RTN4: variants seen among roughly 807,000 people sequenced by gnomAD.
The protein encoded by RTN4 is reticulon 4.
Under a neutral mutation model 90.4 loss-of-function variants are expected in RTN4, and 32 were observed. The observed-to-expected ratio is 0.35, with a 90% CI of 0.27 to 0.48. The LOEUF is 0.48. Among genes scored for constraint, RTN4 ranks in the 20% least tolerant of loss-of-function variants. The probability of loss-of-function intolerance (pLI) is 0.99; values close to 1 mark genes in which losing one functional copy is unlikely to be tolerated. For missense variants in RTN4, 1,706 were observed against 1,430.2 expected (o/e 1.19, Z -3.11); for synonymous variants, 629 against 552.5 (o/e 1.14, Z -1.94).
chr2:55,066,169 T>TTGTGTG (rs71410416), intron 2 of RTN4, among the ~76,000 whole-genome samples: 13,402 of 141,766 alleles, frequency 0.095, 650 homozygotes, highest in Middle Eastern at 0.14. Context: ...ATGAACCCAT[T>TTGTGTG]TGTGTGTGTG....
At chr2:54,993,267 A>C (rs1679168818) in intron 3 of RTN4, among the ~76,000 whole-genome samples, 1 of 152,148 alleles carries the variant, frequency 6.6e-6, no homozygotes, top group African/African-American at 2.4e-5. Context: ...TAATCAGAAA[A>C]AAATTCACCC....
chr2:55,008,069 T>C (rs1177455817), intron 3 of RTN4, among the ~76,000 whole-genome samples: 10 of 151,782 alleles, frequency 6.6e-5, no homozygotes, highest in Non-Finnish European at 1.5e-4. Context: ...GAAGAATATA[T>C]AAAAGAATGC....
intron 5 of RTN4, 53 bp from the exon 6 acceptor site, chr2:54,974,817 T>C: frequency 6.7e-7 from 1 of 1,490,862 alleles, no homozygotes. Flanking sequence ...TAAAGTTTCT[T>C]AATTATGCTT....
intron 1 of RTN4, among the ~76,000 whole-genome samples, chr2:55,111,625 A>G (rs899343693): frequency 2.0e-5 from 3 of 152,114 alleles, no homozygotes; most frequent in African/African-American, 7.2e-5. Context: ...ACCTCTCCTA[A>G]GGACCCACTC....
chr2:54,987,518 T>C lies in RTN4; in HGVS notation c.3194A>G (p.Gln1065Arg), dbSNP rs756243639. Residue 1065 changes from glutamine to arginine, a missense_variant, in exon 4 of 9, where the codon CAG (glutamine) becomes CGG (arginine). By Grantham distance (43) the Gln-to-Arg change is conservative. Transcript: ENST00000337526. ...RIYKGVIQAI[Q>R]KSDEGHPFRA... ...GAATGGGTGGCCTTCATCTGATTTC[T>C]GGATAGCTTGGATCACACCCTTGTA... 1 of 1,614,162 alleles carries C rather than the reference T, an allele frequency of 6.2e-7. No homozygotes were observed. Among genetic ancestry groups the C allele is most frequent in the Non-Finnish European group, 8.5e-7 (1 of 1,179,970 alleles).
In RTN4 at chr2:54,973,074, T is replaced by C. The variant is rs201650264; in HGVS notation, c.*82A>G. ...TGAAACTGCACTGCAACGTCAAGGT[T>C]CGTTCTTCCCTGACCCTCCCCCGTA... is the stretch of plus-strand genomic sequence containing the variant. On this transcript the variant is annotated 3_prime_UTR_variant, in exon 9 of 9. Coordinates refer to ENST00000337526, the MANE Select transcript of RTN4 (RefSeq NM_020532.5). The C allele has an allele frequency of 1.9e-5, 22 of 1,147,724 alleles. No individual in the cohort carries two copies. The highest frequency in any genetic ancestry group is 3.9e-4 in the Middle Eastern group (2 of 5,142). 71.1% of individuals were successfully genotyped at this position (1,147,724 alleles called of 1,614,324 possible). A position where few individuals can be genotyped will look rare whatever the true frequency, so the allele number is the denominator to read the frequency against.
intron 3 of RTN4, among the ~76,000 whole-genome samples, chr2:55,006,675 G>A (rs1680249207): frequency 6.6e-6 from 1 of 152,094 alleles, no homozygotes; most frequent in African/African-American, 2.4e-5. Context: ...AATCCAAAGA[G>A]TACTGTAACA....
chr2:55,030,821 G>A (rs889477071), intron 1 of RTN4, among the ~76,000 whole-genome samples: 1 of 152,166 alleles, frequency 6.6e-6, no homozygotes, highest in African/African-American at 2.4e-5. Flanking sequence ...CCTTCTTACT[G>A]TATCAGCCCC....
Position 55,102,530 on chromosome 2 carries a change from A to AC in RTN4, c.-214+9989_-214+9990insG, listed in dbSNP as rs577165095. On this transcript the variant is annotated intron_variant, in intron 1 of 3. Coordinates refer to the RTN4 transcript ENST00000427710. ...ATTTTCACATGTCATTTTTCTTTTGATTTTTTTTTAATCATTTAAGATGTG... is the reference window on the plus strand; with the variant it reads ...ATTTTCACATGTCATTTTTCTTTTGACTTTTTTTTTAATCATTTAAGATGTG... Among the ~76,000 whole-genome samples the AC allele has an allele frequency of 1.0e-3, 152 of 151,640 alleles. 1 individual carries two copies. The highest frequency in any genetic ancestry group is 6.6e-3 in the Admixed American group (100 of 15,186).
intron 3 of RTN4, among the ~76,000 whole-genome samples, chr2:54,994,300 C>T (rs1206572238): frequency 1.3e-5 from 2 of 152,122 alleles, no homozygotes; most frequent in African/African-American, 4.8e-5. Flanking sequence ...AGATAAATAT[C>T]CCTTATGAAT....
At position 55,025,153 on chromosome 2, in the gene RTN4, A is replaced by T; in HGVS notation, c.2946T>A (p.Pro982=). Residue 982 remains proline (P), a synonymous_variant, in exon 3 of 9, where the codon CCT becomes CCA. Transcript: ENST00000337526. ...VLVKEAEKKL[P]SDTEKEDRSP... ...ATCTGTCCTCTTTTTCTGTATCGGA[A>T]GGAAGTTTTTTCTCAGCTTCTTTCA... 2 of 1,613,714 alleles carry T rather than the reference A, an allele frequency of 1.2e-6. No homozygotes were observed. Among genetic ancestry groups the T allele is most frequent in the South Asian group, 1.1e-5 (1 of 91,056 alleles).
At chr2:55,080,232 G>A (rs759245071) in intron 2 of RTN4, among the ~76,000 whole-genome samples, 2 of 151,852 alleles carry the variant, frequency 1.3e-5, no homozygotes, top group Non-Finnish European at 2.9e-5. Flanking sequence ...CACCCACGCT[G>A]GTCTTGAACT....
At chr2:55,086,210 A>AG (rs1375125369) in intron 1 of RTN4, among the ~76,000 whole-genome samples, 1 of 152,180 alleles carries the variant, frequency 6.6e-6, no homozygotes, top group East Asian at 1.9e-4. Context: ...AAGTTGTAAA[A>AG]CAACTTTAGG....
chr2:55,095,940 A>T (rs959266392), intron 1 of RTN4, among the ~76,000 whole-genome samples: 1 of 152,108 alleles, frequency 6.6e-6, no homozygotes, highest in African/African-American at 2.4e-5. Context: ...CTCACTTGGG[A>T]TTTATCTGAT....
Position 55,049,766 on chromosome 2 carries a change from TG to T in RTN4, c.534del (p.Arg179GlyfsTer21). ...APPSTPAAPK[R>X]RGSSGSVDET... is the part of the protein sequence containing the mutation. ...TCACCCACTGAGCCCGAGGAGCCCC[TG>T]CGCTTGGGCGCGGCCGGGGTGGAGG... On this transcript the variant is annotated frameshift_variant, in exon 1 of 9. Coordinates refer to ENST00000337526, the MANE Select transcript of RTN4 (RefSeq NM_020532.5). LOFTEE classifies it high-confidence loss of function. The T allele has an allele frequency of 7.5e-7, 1 of 1,325,520 alleles. No individual in the cohort carries two copies. Among genetic ancestry groups the T allele is most frequent in the Non-Finnish European group, 9.6e-7 (1 of 1,039,002 alleles). The allele number at this position is 1,325,520 out of a possible 1,614,324, so 82.1% of individuals were successfully genotyped here. A position where few individuals can be genotyped will look rare whatever the true frequency, so the allele number is the denominator to read the frequency against.
intron 1 of RTN4, among the ~76,000 whole-genome samples, chr2:55,032,205 G>A (rs1203762327): frequency 5.9e-5 from 9 of 151,874 alleles, no homozygotes; most frequent in Non-Finnish European, 1.3e-4. Flanking sequence ...CTCAGCCTCT[G>A]AGTAGCTGGG....
At chr2:55,053,214 G>A (rs1303382246), upstream of RTN4, among the ~76,000 whole-genome samples, 1 of 152,136 alleles carries the variant, frequency 6.6e-6, no homozygotes, top group Non-Finnish European at 1.5e-5. Context: ...AAAAAGAAAG[G>A]AGGCTGTTGC....
upstream of RTN4, among the ~76,000 whole-genome samples, chr2:55,053,412 C>T (rs960534017): frequency 6.6e-6 from 1 of 152,062 alleles, no homozygotes; most frequent in South Asian, 2.1e-4. Flanking sequence ...ATCAGACGGG[C>T]ACCGTGACTC....
chr2:55,070,364 C>A (rs115913808), intron 2 of RTN4, among the ~76,000 whole-genome samples: 1 of 151,360 alleles, frequency 6.6e-6, no homozygotes, highest in Non-Finnish European at 1.5e-5. Context: ...TTCAACATAG[C>A]GAGATCTTGT....
Sources: allele counts gnomAD v4.1 joint callset (sites outside exome capture counted in the v4.1 genomes callset), GRCh38; gene constraint gnomAD v4.1.1; transcripts MANE v1.5; gene names NCBI Gene and HGNC (gene_info 2026-07-23, HGNC 2026-07-21).